EYA2: variants seen among roughly 807,000 people sequenced by gnomAD.
The protein encoded by EYA2 is EYA transcriptional coactivator and phosphatase 2, also known as protein phosphatase EYA2.
A neutral mutation model predicts 69.2 loss-of-function variants in EYA2; 31 were observed. That is an observed-to-expected ratio of 0.45 (90% CI 0.34 to 0.60). The LOEUF (loss-of-function observed/expected upper bound fraction) is 0.60, where lower values mean the gene tolerates loss of function less well. EYA2 is among the 20% of genes least tolerant of loss of function. The pLI, the probability that EYA2 is intolerant of heterozygous loss-of-function variation, is 0.02. For missense variants in EYA2, 622 were observed against 701.2 expected, an observed-to-expected ratio of 0.89 and a Z score of 1.28; for synonymous variants, 257 against 279.4, an observed-to-expected ratio of 0.92 and a Z score of 0.80.
At chr20:46,967,846 G>C (rs1323093497) in intron 1 of EYA2, among the ~76,000 whole-genome samples, 1 of 152,200 alleles carries the variant, frequency 6.6e-6, no homozygotes, top group Non-Finnish European at 1.5e-5. Context: ...GCTTGACCTT[G>C]TGTATTGGAG....
At chr20:46,992,610 T>TC (rs1981751661) in intron 2 of EYA2, among the ~76,000 whole-genome samples, 3 of 152,322 alleles carry the variant, frequency 2.0e-5, no homozygotes, top group African/African-American at 7.2e-5. Flanking sequence ...CCCTGGATCT[T>TC]CAATTCTCCC....
At chr20:46,911,459 T>C (rs1984640037) in intron 1 of EYA2, among the ~76,000 whole-genome samples, 1 of 152,194 alleles carries the variant, frequency 6.6e-6, no homozygotes. Context: ...AGTTGGCTGA[T>C]TTTTGATTTA....
chr20:46,936,766 G>A (rs192234865), intron 1 of EYA2, among the ~76,000 whole-genome samples: 256 of 152,202 alleles, frequency 1.7e-3, no homozygotes, highest in African/African-American at 5.7e-3. Flanking sequence ...GGGGTGTCCC[G>A]TCCCCCGCTT....
At position 47,188,105 on chromosome 20, in the gene EYA2, G is replaced by T. The variant is rs866625315; in HGVS notation, c.1589G>T (p.Arg530Met). 1 of 1,587,286 alleles carries T rather than the reference G, an allele frequency of 6.3e-7. No individual in the cohort carries two copies. Among genetic ancestry groups the T allele is most frequent in the Non-Finnish European group, 8.6e-7 (1 of 1,166,668 alleles). The part of the protein sequence containing the change: ...ISCHADLEAL[R>M]HALELEYL ...TGCCACGCAGACCTGGAGGCACTGAGGCACGCCCTGGAGCTGGAGTATTTA... is the reference window on the plus strand; with the variant it reads ...TGCCACGCAGACCTGGAGGCACTGATGCACGCCCTGGAGCTGGAGTATTTA... The change falls in exon 16 of 16, where the codon AGG becomes ATG. Residue 530 changes from arginine to methionine, a missense_variant. Coordinates refer to ENST00000327619, the MANE Select transcript of EYA2 (RefSeq NM_005244.5).
At chr20:46,996,884 A>G (rs1167068879) in intron 2 of EYA2, among the ~76,000 whole-genome samples, 1 of 151,762 alleles carries the variant, frequency 6.6e-6, no homozygotes, top group Admixed American at 6.6e-5. Flanking sequence ...GGCAAGTGCG[A>G]AACTCGGTCT....
At chr20:47,147,660 G>A (rs1436287927) in intron 10 of EYA2, among the ~76,000 whole-genome samples, 1 of 152,192 alleles carries the variant, frequency 6.6e-6, no homozygotes, top group Non-Finnish European at 1.5e-5. Flanking sequence ...GCCTCTGGCT[G>A]CCTGGTGGAG....
At chr20:46,984,487 C>T (rs1194475068) in intron 1 of EYA2, among the ~76,000 whole-genome samples, 1 of 152,130 alleles carries the variant, frequency 6.6e-6, no homozygotes, top group Non-Finnish European at 1.5e-5. Flanking sequence ...AATATATGCT[C>T]AAACTCACTA....
At chr20:47,098,992 A>T (rs2032345869) in intron 9 of EYA2, among the ~76,000 whole-genome samples, 1 of 152,190 alleles carries the variant, frequency 6.6e-6, no homozygotes, top group Non-Finnish European at 1.5e-5. Context: ...CCTGAGACAA[A>T]GAGTGAGTGC....
chr20:46,974,861 G>A (rs754438525), intron 1 of EYA2, among the ~76,000 whole-genome samples: 2 of 152,120 alleles, frequency 1.3e-5, no homozygotes, highest in African/African-American at 4.8e-5. Flanking sequence ...GGTCCTGTCC[G>A]AGTCTGTCAC....
intron 9 of EYA2, among the ~76,000 whole-genome samples, chr20:47,128,610 A>G (rs1443913732): frequency 2.0e-5 from 3 of 151,610 alleles, no homozygotes; most frequent in Non-Finnish European, 2.9e-5. Flanking sequence ...ACTAGTTCCC[A>G]TGAAGATATA....
At chr20:46,918,059 G>A (rs951899445) in intron 1 of EYA2, among the ~76,000 whole-genome samples, 23 of 152,220 alleles carry the variant, frequency 1.5e-4, no homozygotes, top group Admixed American at 2.6e-4. Context: ...GGTGGCTCAC[G>A]CCCACAATCC....
rs1340924502 is a variant in EYA2 at position 47,089,228 on chromosome 20, TC to T, written c.662-10del. 1.2e-6 allele frequency: 2 copies of T among 1,612,666 alleles called. No homozygotes were observed. Among genetic ancestry groups the T allele is most frequent in the African/African-American group, 2.7e-5 (2 of 74,872 alleles). On this transcript the variant is annotated splice_polypyrimidine_tract_variant and intron_variant, in intron 7 of 15. Coordinates refer to ENST00000327619, the MANE Select transcript of EYA2 (RefSeq NM_005244.5). The stretch of plus-strand genomic sequence containing the variant: ...CTTCTGATTTGTCCACCATTCCCTT[TC>T]TTACGCCAGGTGAATACAACACACA...
chr20:47,011,902 AGT>A (rs1983080995), intron 4 of EYA2, among the ~76,000 whole-genome samples: 2 of 152,176 alleles, frequency 1.3e-5, no homozygotes. Flanking sequence ...AGCAGGGAAA[AGT>A]GTGTGCCGCT....
chr20:47,089,102 C>T (rs1402673560), intron 7 of EYA2, 137 bp from the exon 8 acceptor site: 16 of 986,262 alleles, frequency 1.6e-5, no homozygotes, highest in South Asian at 1.2e-4. Context: ...GGGCAGTTTT[C>T]ATCCTACGAG....
At chr20:47,094,487 C>G (rs2032187333) in intron 8 of EYA2, among the ~76,000 whole-genome samples, 1 of 152,366 alleles carries the variant, frequency 6.6e-6, no homozygotes, top group South Asian at 2.1e-4. Context: ...AATCCCTGTA[C>G]TAGAGAATCT....
intron 9 of EYA2, among the ~76,000 whole-genome samples, chr20:47,140,266 C>A (rs2033566784): frequency 1.3e-5 from 2 of 152,114 alleles, no homozygotes; most frequent in Admixed American, 1.3e-4. Flanking sequence ...CTCATTTGCT[C>A]TTCATTTTTC....
chr20:46,900,162 G>A lies in EYA2; in HGVS notation c.-11+5175G>A, dbSNP rs995059516. 5.9e-5 allele frequency among the ~76,000 whole-genome samples: 9 copies of A among 152,052 alleles called. No individual in the cohort carries two copies. In the East Asian group the frequency reaches 1.2e-3, roughly 20 times the overall value. ...GTTCCCAGATGTAATAGATACGAAC[G>A]TATCTACTTGCAGTCATTCAGAGGA... On this transcript the variant is annotated intron_variant, in intron 1 of 15. Coordinates refer to ENST00000327619, the MANE Select transcript of EYA2 (RefSeq NM_005244.5).
At chr20:47,160,852 C>A in intron 10 of EYA2, 1 of 251,660 alleles carries the variant, frequency 4.0e-6, no homozygotes, top group Non-Finnish European at 7.4e-6. Flanking sequence ...GTTGTAGCCA[C>A]AGCTGGAGCC....
chr20:47,042,172 A>G (rs188495005), intron 5 of EYA2, among the ~76,000 whole-genome samples: 66 of 152,292 alleles, frequency 4.3e-4, no homozygotes, highest in African/African-American at 1.5e-3. Flanking sequence ...TACAACTACC[A>G]TATAAAGTAG....
Sources: allele counts gnomAD v4.1 joint callset (sites outside exome capture counted in the v4.1 genomes callset), GRCh38; gene constraint gnomAD v4.1.1; transcripts MANE v1.5; gene names NCBI Gene and HGNC (gene_info 2026-07-23, HGNC 2026-07-21).